Variants in NFKB1 observed in about 807,000 individuals in gnomAD.
NFKB1 encodes the protein nuclear factor NF-kappa-B p105 subunit.
NFKB1 carries 9 observed loss-of-function variants against 105.1 expected under a neutral mutation model. That is an observed-to-expected ratio of 0.09 (90% CI 0.05 to 0.15). NFKB1 has a LOEUF of 0.15. Among genes scored for constraint, NFKB1 ranks in the 10% least tolerant of loss-of-function variants. NFKB1 has a pLI of 1.00. For synonymous variants in NFKB1, 440 were observed against 442.2 expected, an observed-to-expected ratio of 1.00 and a Z score of 0.06; for missense variants, 830 against 1,203.7, an observed-to-expected ratio of 0.69 and a Z score of 4.59.
chr4:102,606,761 T>TA, intron 17 of NFKB1, 64 bp downstream of exon 17: 1 of 1,496,980 alleles, frequency 6.7e-7, no homozygotes, highest in South Asian at 1.2e-5. Context: ...ACTAGGTATT[T>TA]GATAAACGTG....
intron 5 of NFKB1, among the ~76,000 whole-genome samples, chr4:102,551,082 A>G (rs1332631615): frequency 1.3e-5 from 2 of 152,208 alleles, no homozygotes; most frequent in African/African-American, 4.8e-5. Context: ...GAATCCATCT[A>G]AACCCAGAAC....
chr4:102,531,806 G>A (rs1274327623), intron 3 of NFKB1, among the ~76,000 whole-genome samples: 1 of 152,140 alleles, frequency 6.6e-6, no homozygotes, highest in Non-Finnish European at 1.5e-5. Flanking sequence ...AAAAATAATA[G>A]CAAATTTGCA....
At chr4:102,590,031 C>G (rs1726041563) in intron 11 of NFKB1, among the ~76,000 whole-genome samples, 1 of 152,146 alleles carries the variant, frequency 6.6e-6, no homozygotes, top group African/African-American at 2.4e-5. Context: ...GTATTGTAGT[C>G]AAATAGTGGT....
At position 102,501,416 on chromosome 4, in the gene NFKB1, C is replaced by G. The variant is rs938608398; in HGVS notation, c.-380C>G. 1 of 151,244 alleles carries G rather than the reference C, an allele frequency of 6.6e-6. No individual in the cohort carries two copies. The highest frequency in any genetic ancestry group is 2.4e-5 in the African/African-American group (1 of 41,332). The allele number at this position is 151,244 out of a possible 1,614,324, so 9.4% of individuals were successfully genotyped here. On this transcript the variant is annotated 5_prime_UTR_variant, in exon 1 of 24. Coordinates refer to ENST00000226574, the MANE Select transcript of NFKB1 (RefSeq NM_003998.4). ...AGGTTTCGCCACCGGAGCGGCCCGG[C>G]GACGCGCTGACAGCTTCCCCTGCCC...
intron 16 of NFKB1, among the ~76,000 whole-genome samples, chr4:102,605,447 A>C (rs1401887067): frequency 6.6e-6 from 1 of 152,150 alleles, no homozygotes; most frequent in Non-Finnish European, 1.5e-5. Context: ...ATGAAAAGGG[A>C]ATTTTAGGCA....
chr4:102,516,677 T>C (rs1454400687), intron 1 of NFKB1, among the ~76,000 whole-genome samples: 1 of 152,184 alleles, frequency 6.6e-6, no homozygotes, highest in Non-Finnish European at 1.5e-5. Context: ...CATATGCTAT[T>C]AGCTATTTTT....
intron 5 of NFKB1, among the ~76,000 whole-genome samples, chr4:102,544,023 G>C (rs1040648729): frequency 6.6e-6 from 1 of 152,082 alleles, no homozygotes; most frequent in Non-Finnish European, 1.5e-5. Flanking sequence ...TTATTGAACA[G>C]AAGGGCTTTG....
chr4:102,611,831 A>G (rs1433664135), intron 20 of NFKB1, among the ~76,000 whole-genome samples: 1 of 152,220 alleles, frequency 6.6e-6, no homozygotes, highest in Non-Finnish European at 1.5e-5. Flanking sequence ...TGTGCAAAGC[A>G]CTATTTCCCA....
intron 3 of NFKB1, among the ~76,000 whole-genome samples, chr4:102,530,473 A>T (rs77676067): frequency 4.8e-5 from 7 of 146,994 alleles, no homozygotes; most frequent in African/African-American, 1.5e-4. Flanking sequence ...TAAGAGTAAT[A>T]AAAAAAAAAC....
rs1482159601 is a variant in NFKB1 at position 102,593,572 on chromosome 4, C to A, written c.1210+4C>A. 1 of 1,606,702 alleles carries A rather than the reference C, an allele frequency of 6.2e-7. No homozygotes were observed. Among genetic ancestry groups the A allele is most frequent in the South Asian group, 1.1e-5 (1 of 90,022 alleles). ...GGCACTGGAAGTACAGGTCCAGGTA[C>A]AAAAATACTTATTCTTCCTAAAACT... On this transcript the variant is annotated splice_donor_region_variant and intron_variant, in intron 12 of 23. Coordinates refer to ENST00000226574, the MANE Select transcript of NFKB1 (RefSeq NM_003998.4).
chr4:102,505,855 A>G (rs1739387106), intron 1 of NFKB1, among the ~76,000 whole-genome samples: 1 of 151,840 alleles, frequency 6.6e-6, no homozygotes, highest in African/African-American at 2.4e-5. Context: ...TAAATGAATG[A>G]ATGATATGAA....
At chr4:102,585,141 T>C (rs1282118050) in intron 11 of NFKB1, among the ~76,000 whole-genome samples, 1 of 152,122 alleles carries the variant, frequency 6.6e-6, no homozygotes, top group Admixed American at 6.6e-5. Context: ...CCTCCGGCCT[T>C]GGCCTCCCAA....
At chr4:102,576,833 C>A in intron 6 of NFKB1, 43 bp from the exon 7 acceptor site, 2 of 1,566,930 alleles carry the variant, frequency 1.3e-6, no homozygotes, top group Admixed American at 1.9e-5. Flanking sequence ...AAGTGCCTAA[C>A]TTTTGGTTGT....
chr4:102,505,388 A>G (rs1010817629), intron 1 of NFKB1, among the ~76,000 whole-genome samples: 23 of 152,202 alleles, frequency 1.5e-4, no homozygotes, highest in African/African-American at 5.3e-4. Context: ...ATTGTGTCAT[A>G]TTTTCTGTAG....
chr4:102,555,600 GA>G (rs1209298777), intron 5 of NFKB1, among the ~76,000 whole-genome samples: 1 of 152,156 alleles, frequency 6.6e-6, no homozygotes, highest in Non-Finnish European at 1.5e-5. Flanking sequence ...GATGATTATA[GA>G]AGGATTCAAG....
intron 12 of NFKB1, among the ~76,000 whole-genome samples, chr4:102,594,387 A>G (rs1434389111): frequency 6.6e-6 from 1 of 152,184 alleles, no homozygotes; most frequent in Non-Finnish European, 1.5e-5. Flanking sequence ...TAAAATTACT[A>G]CGTCAGAGGG....
intron 1 of NFKB1, 159 bp downstream of exon 1, chr4:102,501,947 C>G (rs1478787868): frequency 1.3e-5 from 2 of 152,470 alleles, no homozygotes; most frequent in Non-Finnish European, 2.9e-5. Flanking sequence ...AGCTGAGAGG[C>G]ACATGGGATT....
intron 1 of NFKB1, among the ~76,000 whole-genome samples, chr4:102,514,310 T>C (rs760325262): frequency 3.9e-5 from 6 of 152,200 alleles, no homozygotes; most frequent in Non-Finnish European, 7.4e-5. Context: ...ATGGTTTGAA[T>C]GTGTCCCCAC....
intron 1 of NFKB1, among the ~76,000 whole-genome samples, chr4:102,516,759 C>T (rs1199269104): frequency 6.6e-6 from 1 of 151,870 alleles, no homozygotes; most frequent in Middle Eastern, 3.4e-3. Flanking sequence ...TTTTATTGTA[C>T]ATTGTGGAGA....
Sources: gnomAD v4.1 joint callset for allele counts (sites outside exome capture counted in the v4.1 genomes callset) on GRCh38, gnomAD v4.1.1 for gene constraint, MANE v1.5 for transcripts, NCBI Gene and HGNC (gene_info 2026-07-23, HGNC 2026-07-21) for gene names.